Variants in EIF3L observed in about 807,000 individuals in gnomAD.
The protein encoded by EIF3L is eukaryotic translation initiation factor 3 subunit L, also known as eIEF associated protein HSPC021.
Under a neutral mutation model 74.6 loss-of-function variants are expected in EIF3L, and 32 were observed. The ratio of observed to expected loss-of-function variants is 0.43; its 90% CI spans 0.32 to 0.58. The LOEUF is 0.58. Among genes scored for constraint, EIF3L ranks in the 20% least tolerant of loss-of-function variants. The pLI is 0.06. For missense variants in EIF3L, 474 were observed against 707.8 expected (o/e 0.67, Z 3.75); for synonymous variants, 256 against 254.4 (o/e 1.01, Z -0.06).
At chr22:37,855,453 C>G (rs1000573460) in intron 3 of EIF3L, 112 bp from the exon 4 acceptor site, 2 of 908,488 alleles carry the variant, frequency 2.2e-6, no homozygotes, top group South Asian at 1.5e-5. Flanking sequence ...GGCCTCAGCT[C>G]TGTTTATTTG....
chr22:37,862,475 C>T (rs1925909808), intron 5 of EIF3L, among the ~76,000 whole-genome samples: 1 of 152,184 alleles, frequency 6.6e-6, no homozygotes, highest in East Asian at 1.9e-4. Flanking sequence ...AATGAGTGGG[C>T]ATGGCTGTGT....
chr22:37,880,793 A>G (rs900084650), intron 11 of EIF3L: 2 of 152,298 alleles, frequency 1.3e-5, no homozygotes, highest in Middle Eastern at 3.4e-3. Context: ...CCTGATGTCT[A>G]ACATCTTGGA....
chr22:37,875,427 C>G (rs1010132894), intron 9 of EIF3L, among the ~76,000 whole-genome samples: 6 of 151,890 alleles, frequency 4.0e-5, no homozygotes, highest in African/African-American at 1.5e-4. Context: ...ATGGTATGTT[C>G]ATTGATACAT....
At chr22:37,853,416 T>C (rs1323027786) in intron 3 of EIF3L, among the ~76,000 whole-genome samples, 1 of 152,246 alleles carries the variant, frequency 6.6e-6, no homozygotes, top group African/African-American at 2.4e-5. Context: ...GCAAGTGTGC[T>C]GAACTGTGTT....
rs763051302 is a variant in EIF3L, at chr22:37,878,161, A to G, written c.1565A>G (p.Tyr522Cys). 5 of 1,607,756 alleles carry G rather than the reference A, an allele frequency of 3.1e-6. No individual in the cohort carries two copies. The highest frequency in any genetic ancestry group is 1.7e-5 in the Admixed American group (1 of 59,662). ...CAGTCAGCCTCAGAGGTTGACTTCT[A>G]CATTGATAAGGTATGCCTGTCCCCT... is the stretch of plus-strand genomic sequence containing the variant. ...EFQSASEVDF[Y>C]IDKDMIHIAD... The change falls in exon 11 of 13, where the codon TAC becomes TGC. Residue 522 changes from tyrosine to cysteine, a missense_variant. By Grantham distance (194) the Tyr-to-Cys change is radical. Coordinates refer to ENST00000652021, the MANE Select transcript of EIF3L (RefSeq NM_016091.4).
At chr22:37,870,463 T>C in intron 8 of EIF3L, 116 bp downstream of exon 8, 1 of 1,025,454 alleles carries the variant, frequency 9.8e-7, no homozygotes, top group Non-Finnish European at 1.4e-6. Context: ...TAGGTGGTGG[T>C]CTGTTGACTC....
At chr22:37,879,663 G>GGGAT (rs908671233) in intron 11 of EIF3L, 29 of 152,366 alleles carry the variant, frequency 1.9e-4, no homozygotes, top group African/African-American at 7.0e-4. Context: ...TGGAGAAAGG[G>GGGAT]GGATGGTGCT....
rs370839476 is a variant in EIF3L, at chr22:37,877,583, TC to T, written c.1078-90del. 1.7e-4 allele frequency: 249 copies of T among 1,441,426 alleles called. No homozygotes were observed. The African/African-American group carries it at 3.1e-3, about 18-fold the overall frequency. 89.3% of individuals were successfully genotyped at this position (1,441,426 alleles called of 1,614,324 possible). On this transcript the variant is annotated intron_variant, in intron 10 of 12. Transcript: ENST00000652021. Reference sequence around the variant, plus strand: ...ATGAAACAACTGGGTAAGTCAAAGATCTGTGCAGAGAATGGTGAGGCCAGTT... The same window carrying T: ...ATGAAACAACTGGGTAAGTCAAAGATTGTGCAGAGAATGGTGAGGCCAGTT...
intron 12 of EIF3L, 86 bp downstream of exon 12, chr22:37,886,931 T>G (rs1927352833): frequency 9.1e-7 from 1 of 1,096,012 alleles, no homozygotes. Flanking sequence ...TTAATTTTTA[T>G]TCCTTTATTT....
At chr22:37,858,529 TC>T in intron 4 of EIF3L, 149 bp from the exon 5 acceptor site, 1 of 707,052 alleles carries the variant, frequency 1.4e-6, no homozygotes, top group South Asian at 1.7e-5. Context: ...GTGGATTTTC[TC>T]ATTGCATGTA....
At chr22:37,858,462 C>A in intron 4 of EIF3L, 1 of 569,718 alleles carries the variant, frequency 1.8e-6, no homozygotes, top group Non-Finnish European at 3.1e-6. Flanking sequence ...GGAAATAGAT[C>A]TGAATGAGAT....
chr22:37,882,268 C>T (rs941242278), intron 11 of EIF3L: 1 of 152,078 alleles, frequency 6.6e-6, no homozygotes, highest in African/African-American at 2.4e-5. Flanking sequence ...GATCAAGCCA[C>T]CGCATTCCAG....
At chr22:37,878,947 T>G (rs1926900502) in intron 11 of EIF3L, 3 of 124,684 alleles carry the variant, frequency 2.4e-5, no homozygotes, top group East Asian at 2.3e-4. Context: ...AGTGTTTTGG[T>G]TTTTTTTTTT....
chr22:37,858,275 T>A (rs1357527516), intron 4 of EIF3L, among the ~76,000 whole-genome samples: 2 of 133,494 alleles, frequency 1.5e-5, no homozygotes, highest in East Asian at 2.7e-4. Context: ...TTGCCCATGC[T>A]GGAGTGTAGT....
intron 7 of EIF3L, among the ~76,000 whole-genome samples, chr22:37,868,398 A>G (rs919676851): frequency 1.3e-5 from 2 of 150,296 alleles, no homozygotes; most frequent in African/African-American, 4.9e-5. Context: ...GTGCTTGGAT[A>G]ACAGGTGTAA....
chr22:37,880,919 C>T (rs1927016171), intron 11 of EIF3L: 1 of 152,218 alleles, frequency 6.6e-6, no homozygotes, highest in South Asian at 2.1e-4. Flanking sequence ...TTGTGTGTAG[C>T]AGTGATTCCT....
In EIF3L at chr22:37,851,277, C is replaced by CAGG. The variant is rs777999816; in HGVS notation, c.83_85dup. 2 of 1,613,516 alleles carry CAGG rather than the reference C, an allele frequency of 1.2e-6. No homozygotes were observed. The highest frequency in any genetic ancestry group is 1.7e-6 in the Non-Finnish European group (2 of 1,179,544). On this transcript the variant is annotated splice_region_variant and splice_polypyrimidine_tract_variant and intron_variant, in intron 2 of 12. Coordinates refer to ENST00000652021, the MANE Select transcript of EIF3L (RefSeq NM_016091.4). ...CTCTGTATTTGTTGTATCCAACCTC[C>CAGG]AGGAGATCCAAAGCAGGACCTTGCT...
intron 2 of EIF3L, among the ~76,000 whole-genome samples, 164 bp downstream of exon 2, chr22:37,850,227 G>A (rs1925113658): frequency 6.6e-6 from 1 of 152,054 alleles, no homozygotes; most frequent in Non-Finnish European, 1.5e-5. Flanking sequence ...TAATAAACCA[G>A]GCTTTTTATC....
intron 3 of EIF3L, among the ~76,000 whole-genome samples, chr22:37,853,257 CAAGA>C (rs1925327277): frequency 6.6e-6 from 1 of 151,866 alleles, no homozygotes; most frequent in Admixed American, 6.6e-5. Context: ...TGACTCCTAA[CAAGA>C]AAGAATTCGA....
Sources: gnomAD v4.1 joint callset for allele counts (sites outside exome capture counted in the v4.1 genomes callset) on GRCh38, gnomAD v4.1.1 for gene constraint, MANE v1.5 for transcripts, NCBI Gene and HGNC (gene_info 2026-07-23, HGNC 2026-07-21) for gene names.